The following LRRTM4 variants were observed in gnomAD, a reference collection of about 807,000 sequenced individuals.
LRRTM4 encodes leucine-rich repeat transmembrane neuronal protein 4.
LRRTM4 carries 25 observed loss-of-function variants against 47.6 expected under a neutral mutation model. The ratio of observed to expected loss-of-function variants is 0.53; its 90% CI spans 0.38 to 0.73. LRRTM4 has a LOEUF of 0.73. LRRTM4 is among the 30% of genes least tolerant of loss of function. The pLI is 0.00. For synonymous variants in LRRTM4, 311 were observed against 269.5 expected (o/e 1.15, Z -1.51); for missense variants, 638 against 713.4 (o/e 0.89, Z 1.20).
rs529035916 is a variant in LRRTM4, at chr2:77,114,013, A to C, written c.1552-365097T>G. On this transcript the variant is annotated intron_variant, in intron 3 of 3. Transcript: ENST00000409884. ...CCAAAGTCACCAGAATTAGATATTG[A>C]ATTCTCAACATCATCAGGTGGGGGA... Among the ~76,000 whole-genome samples, 39 of 152,214 alleles carry C rather than the reference A, an allele frequency of 2.6e-4. 1 individual carries two copies. Among genetic ancestry groups the C allele is most frequent in the Non-Finnish European group, 4.4e-5 (3 of 68,014 alleles).
chr2:76,833,654 A>G (rs895975751), intron 3 of LRRTM4, among the ~76,000 whole-genome samples: 7 of 151,952 alleles, frequency 4.6e-5, no homozygotes, highest in African/African-American at 1.4e-4. Context: ...GTAAAATTCT[A>G]AATTGTTATT....
At chr2:76,806,479 G>T (rs144093605) in intron 3 of LRRTM4, among the ~76,000 whole-genome samples, 2,200 of 152,206 alleles carry the variant, frequency 0.014, 48 homozygotes, top group African/African-American at 0.049. Flanking sequence ...TACTTGGAAG[G>T]CTGATGAAGG....
At chr2:76,793,064 C>T (rs140750351) in intron 3 of LRRTM4, among the ~76,000 whole-genome samples, 1 of 152,134 alleles carries the variant, frequency 6.6e-6, no homozygotes, top group Non-Finnish European at 1.5e-5. Flanking sequence ...AAGGCTTTAG[C>T]AGTATTAAAT....
At chr2:77,082,552 T>TTA (rs894991226) in intron 3 of LRRTM4, among the ~76,000 whole-genome samples, 26 of 151,944 alleles carry the variant, frequency 1.7e-4, no homozygotes, top group East Asian at 3.9e-4. Context: ...GGTACCATTC[T>TTA]TATATATATA....
At chr2:76,986,322 T>C (rs950617156) in intron 3 of LRRTM4, among the ~76,000 whole-genome samples, 3 of 150,270 alleles carry the variant, frequency 2.0e-5, no homozygotes, top group African/African-American at 5.0e-5. Flanking sequence ...TTTAGCACTG[T>C]AGAAGATTTC....
chr2:77,504,718 C>G (rs556228883), intron 3 of LRRTM4, among the ~76,000 whole-genome samples: 1 of 151,422 alleles, frequency 6.6e-6, no homozygotes, highest in East Asian at 1.9e-4. Flanking sequence ...AGCTGACATC[C>G]CTTATTTATA....
intron 3 of LRRTM4, among the ~76,000 whole-genome samples, chr2:76,910,589 C>G (rs955530430): frequency 6.6e-6 from 1 of 152,050 alleles, no homozygotes; most frequent in African/African-American, 2.4e-5. Flanking sequence ...GAATCTTTCC[C>G]ATAAAGAATG....
intron 3 of LRRTM4, among the ~76,000 whole-genome samples, chr2:77,053,204 T>A (rs1245918195): frequency 6.6e-6 from 1 of 152,156 alleles, no homozygotes; most frequent in East Asian, 1.9e-4. Flanking sequence ...GAAATTTTAC[T>A]TGCATTTGTA....
At position 77,518,309 on chromosome 2, in the gene LRRTM4, G is replaced by T; in HGVS notation, c.1551+9C>A. ...GTAGAAATGCTTTTAGGAGGATCAT[G>T]GTTCATACCTCACATTCCCTGGAGC... On this transcript the variant is annotated intron_variant, in intron 3 of 3. Transcript: ENST00000409884. 6.3e-7 allele frequency: 1 copy of T among 1,591,440 alleles called. No individual in the cohort carries two copies. Among genetic ancestry groups the T allele is most frequent in the Non-Finnish European group, 8.6e-7 (1 of 1,169,218 alleles).
At chr2:77,113,617 C>A (rs1671309792) in intron 3 of LRRTM4, among the ~76,000 whole-genome samples, 2 of 151,700 alleles carry the variant, frequency 1.3e-5, no homozygotes, top group African/African-American at 2.4e-5. Flanking sequence ...GGAGGTCGGA[C>A]CGGTATGAGA....
chr2:76,838,045 C>A (rs999036241), intron 3 of LRRTM4, among the ~76,000 whole-genome samples: 1 of 151,224 alleles, frequency 6.6e-6, no homozygotes, highest in Middle Eastern at 3.2e-3. Context: ...ATGTAACTAA[C>A]CTGCACATTG....
chr2:77,293,326 T>C (rs1190627818), intron 3 of LRRTM4, among the ~76,000 whole-genome samples: 1 of 152,148 alleles, frequency 6.6e-6, no homozygotes, highest in East Asian at 1.9e-4. Context: ...ATTTAAACTT[T>C]GTGATTCATT....
At chr2:77,105,475 C>T (rs1572967078) in intron 3 of LRRTM4, among the ~76,000 whole-genome samples, 1 of 125,700 alleles carries the variant, frequency 8.0e-6, no homozygotes, top group East Asian at 2.3e-4. Flanking sequence ...CACATGGACA[C>T]AGGAAGGGGA....
intron 3 of LRRTM4, among the ~76,000 whole-genome samples, chr2:76,858,747 T>C (rs201828373): frequency 1.3e-5 from 2 of 152,326 alleles, no homozygotes; most frequent in East Asian, 3.9e-4. Context: ...CCAGAGAATA[T>C]GGATCTCTAT....
At chr2:76,764,411 C>A (rs1448659832) in intron 3 of LRRTM4, among the ~76,000 whole-genome samples, 2 of 152,160 alleles carry the variant, frequency 1.3e-5, no homozygotes, top group East Asian at 3.9e-4. Context: ...GCGGGCAGAT[C>A]ACGTGGTCAG....
intron 3 of LRRTM4, among the ~76,000 whole-genome samples, chr2:76,953,630 A>G (rs1444875935): frequency 2.0e-5 from 3 of 152,018 alleles, no homozygotes; most frequent in Middle Eastern, 3.4e-3. Context: ...CAGAGATCAA[A>G]AGAGAGTTCA....
intron 3 of LRRTM4, among the ~76,000 whole-genome samples, chr2:77,066,297 T>C (rs1291326376): frequency 2.6e-5 from 4 of 152,234 alleles, no homozygotes; most frequent in African/African-American, 9.6e-5. Flanking sequence ...CAAGAACTAC[T>C]GAGTCTGTTG....
intron 3 of LRRTM4, among the ~76,000 whole-genome samples, chr2:77,114,177 G>A (rs898685077): frequency 2.6e-5 from 4 of 152,016 alleles, no homozygotes; most frequent in Non-Finnish European, 5.9e-5. Context: ...CATCAGGATG[G>A]CACGTACCAA....
chr2:76,887,639 T>C (rs1256856383), intron 3 of LRRTM4, among the ~76,000 whole-genome samples: 1 of 150,540 alleles, frequency 6.6e-6, no homozygotes. Context: ...GTATATGATA[T>C]ATACAGTGTG....
Sources: gnomAD v4.1 joint callset for allele counts (sites outside exome capture counted in the v4.1 genomes callset) on GRCh38, gnomAD v4.1.1 for gene constraint, MANE v1.5 for transcripts, NCBI Gene and HGNC (gene_info 2026-07-23, HGNC 2026-07-21) for gene names.